Variants in COX7B2 observed in about 807,000 individuals in gnomAD.
The protein encoded by COX7B2 is cytochrome c oxidase subunit 7B2, mitochondrial.
For synonymous variants in COX7B2, 37 were observed against 32.1 expected (o/e 1.15, Z -0.51); for missense variants, 109 against 95.9 (o/e 1.14, Z -0.57).
At chr4:46,816,440 C>G (rs2109678153) in intron 2 of COX7B2, among the ~76,000 whole-genome samples, 1 of 152,202 alleles carries the variant, frequency 6.6e-6, no homozygotes, top group East Asian at 1.9e-4. Context: ...AACTGAAGTT[C>G]TTCTTTAAAT....
intron 1 of COX7B2, among the ~76,000 whole-genome samples, chr4:46,886,472 C>T (rs1481245763): frequency 6.6e-6 from 1 of 152,114 alleles, no homozygotes; most frequent in Non-Finnish European, 1.5e-5. Flanking sequence ...CCCTATTGTA[C>T]TATCGAATAC....
At chr4:46,758,285 G>C (rs1353130104) in intron 2 of COX7B2, among the ~76,000 whole-genome samples, 2 of 152,054 alleles carry the variant, frequency 1.3e-5, no homozygotes, top group African/African-American at 4.8e-5. Context: ...GCTAAACTGA[G>C]AGGTATAGAG....
intron 1 of COX7B2, among the ~76,000 whole-genome samples, chr4:46,894,085 G>A (rs6817197): frequency 0.24 from 36,934 of 151,858 alleles, 4,697 homozygotes; most frequent in East Asian, 0.29. Context: ...ATGACCATAC[G>A]GCCCAAAGAA....
chr4:46,823,028 C>T (rs1475008101), intron 2 of COX7B2, among the ~76,000 whole-genome samples: 1 of 152,090 alleles, frequency 6.6e-6, no homozygotes, highest in East Asian at 1.9e-4. Context: ...ATTTCCTTAA[C>T]ATGGAAATGT....
intron 1 of COX7B2, among the ~76,000 whole-genome samples, chr4:46,875,524 CT>C (rs1718266048): frequency 6.6e-6 from 1 of 152,042 alleles, no homozygotes; most frequent in South Asian, 2.1e-4. Flanking sequence ...TATAAACATC[CT>C]CTAGATTAAA....
At chr4:46,860,813 T>C (rs1717292266) in intron 1 of COX7B2, among the ~76,000 whole-genome samples, 1 of 152,182 alleles carries the variant, frequency 6.6e-6, no homozygotes, top group South Asian at 2.1e-4. Context: ...TAAGGCAGGA[T>C]ACTCGGTTGT....
At chr4:46,781,622 C>G (rs1033874348) in intron 2 of COX7B2, among the ~76,000 whole-genome samples, 2 of 152,240 alleles carry the variant, frequency 1.3e-5, no homozygotes, top group African/African-American at 2.4e-5. Flanking sequence ...GTGGGAGCCC[C>G]TCTCTGGGCT....
chr4:46,882,512 C>A (rs1413299233), intron 1 of COX7B2, among the ~76,000 whole-genome samples: 1 of 152,140 alleles, frequency 6.6e-6, no homozygotes, highest in East Asian at 1.9e-4. Context: ...ATAGTTAGGT[C>A]TTCTGGTTAA....
In COX7B2 at chr4:46,855,216, A is replaced by G. The variant is rs565034689; in HGVS notation, c.-104-10202T>C. On this transcript the variant is annotated intron_variant, in intron 1 of 2. Coordinates refer to ENST00000355591, the MANE Select transcript of COX7B2 (RefSeq NM_130902.3). Reference sequence around the variant, plus strand: ...GTGGCACACACCTGTAATCCCAGCTACTCAGGAGGCTGAAGCAGGAAATCG... The same window carrying G: ...GTGGCACACACCTGTAATCCCAGCTGCTCAGGAGGCTGAAGCAGGAAATCG... 3.3e-5 allele frequency among the ~76,000 whole-genome samples: 5 copies of G among 152,170 alleles called. No individual in the cohort carries two copies. In the South Asian group the frequency reaches 8.3e-4, roughly 25 times the overall value.
At chr4:46,745,951 T>C (rs1274507616) in intron 2 of COX7B2, among the ~76,000 whole-genome samples, 1 of 152,194 alleles carries the variant, frequency 6.6e-6, no homozygotes, top group Admixed American at 6.5e-5. Flanking sequence ...ACCCCTAAAC[T>C]AAATTAACAT....
intron 2 of COX7B2, among the ~76,000 whole-genome samples, chr4:46,835,443 AAC>A (rs372978678): frequency 7.6e-4 from 115 of 151,894 alleles, no homozygotes; most frequent in Non-Finnish European, 1.3e-3. Flanking sequence ...CCCCCTCAAA[AAC>A]ACACACACAC....
At chr4:46,794,113 A>G (rs145969893) in intron 2 of COX7B2, among the ~76,000 whole-genome samples, 1,676 of 152,300 alleles carry the variant, frequency 0.011, 20 homozygotes, top group Middle Eastern at 0.041. Context: ...TACAAAGTAT[A>G]ACACATAAAG....
At chr4:46,857,050 T>G (rs1203847130) in intron 1 of COX7B2, among the ~76,000 whole-genome samples, 1 of 152,182 alleles carries the variant, frequency 6.6e-6, no homozygotes, top group Non-Finnish European at 1.5e-5. Flanking sequence ...ATTATACCAG[T>G]TCTTACATGC....
chr4:46,756,335 A>C (rs1198410043), intron 2 of COX7B2, among the ~76,000 whole-genome samples: 2 of 151,996 alleles, frequency 1.3e-5, no homozygotes, highest in Non-Finnish European at 2.9e-5. Flanking sequence ...ACCTAAACAT[A>C]AGACCTAAAA....
intron 2 of COX7B2, among the ~76,000 whole-genome samples, chr4:46,740,201 A>G (rs918771327): frequency 1.2e-4 from 18 of 152,042 alleles, no homozygotes; most frequent in African/African-American, 4.1e-4. Context: ...TTTGCAAGGG[A>G]CAAAATAAAG....
chr4:46,844,932 G>A (rs573827407), intron 2 of COX7B2, 28 bp downstream of exon 2: 33 of 152,042 alleles, frequency 2.2e-4, no homozygotes, highest in Admixed American at 6.6e-5. Context: ...TGTAGGTAGT[G>A]TGGGTCTTTT....
Position 46,782,483 on chromosome 4 carries a change from C to A in COX7B2, c.-49-47242G>T, listed in dbSNP as rs201024648. ...AGGTTTGTAAATGCACCAATCAGCT[C>A]TCTGTAAAATGGGCCAATCAGCAGG... On this transcript the variant is annotated intron_variant, in intron 2 of 2. Coordinates refer to ENST00000355591, the MANE Select transcript of COX7B2 (RefSeq NM_130902.3). 1.2e-4 allele frequency among the ~76,000 whole-genome samples: 18 copies of A among 152,230 alleles called. 1 individual carries two copies. The East Asian group carries it at 3.5e-3, about 29-fold the overall frequency.
rs563978389 is a variant in COX7B2 at position 46,860,815 on chromosome 4, C to A, written c.-104-15801G>T. 2.0e-5 allele frequency among the ~76,000 whole-genome samples: 3 copies of A among 152,236 alleles called. No individual in the cohort carries two copies. In the East Asian group the frequency reaches 5.8e-4, roughly 29 times the overall value. On this transcript the variant is annotated intron_variant, in intron 1 of 2. Transcript: ENST00000355591. The stretch of plus-strand genomic sequence containing the variant: ...TTGAGCAATTGTGTAAGGCAGGATA[C>A]TCGGTTGTGAGAGGTCCCCTGTTGT...
At chr4:46,862,760 G>A (rs1717414724) in intron 1 of COX7B2, among the ~76,000 whole-genome samples, 1 of 152,152 alleles carries the variant, frequency 6.6e-6, no homozygotes, top group East Asian at 1.9e-4. Context: ...TAATCAGGAA[G>A]TAACTTTGAA....
Sources: allele counts gnomAD v4.1 joint callset (sites outside exome capture counted in the v4.1 genomes callset), GRCh38; gene constraint gnomAD v4.1.1; transcripts MANE v1.5; gene names NCBI Gene and HGNC (gene_info 2026-07-23, HGNC 2026-07-21).